CACNA2D3: variants seen among roughly 807,000 people sequenced by gnomAD.
The protein encoded by CACNA2D3 is calcium voltage-gated channel auxiliary subunit alpha2delta 3.
Under a neutral mutation model 160.6 loss-of-function variants are expected in CACNA2D3, and 60 were observed. The observed-to-expected ratio is 0.37, with a 90% CI of 0.30 to 0.46. CACNA2D3 has a LOEUF of 0.46. Among genes scored for constraint, CACNA2D3 ranks in the 20% least tolerant of loss-of-function variants. CACNA2D3 has a pLI of 1.00. For synonymous variants in CACNA2D3, 558 were observed against 492.9 expected, an observed-to-expected ratio of 1.13 and a Z score of -1.75; for missense variants, 1,205 against 1,365.0, an observed-to-expected ratio of 0.88 and a Z score of 1.85.
chr3:54,226,810 GT>G (rs1177386969), intron 2 of CACNA2D3, among the ~76,000 whole-genome samples: 1 of 152,166 alleles, frequency 6.6e-6, no homozygotes, highest in Non-Finnish European at 1.5e-5. Flanking sequence ...ACCTCAGGAA[GT>G]TTCTATTTTT....
chr3:54,526,280 A>C (rs1224536905), intron 5 of CACNA2D3, among the ~76,000 whole-genome samples: 1 of 152,126 alleles, frequency 6.6e-6, no homozygotes, highest in Admixed American at 6.5e-5. Flanking sequence ...TATGTATAAT[A>C]GCTACTTTGA....
At chr3:54,738,815 T>C (rs1308947116) in intron 11 of CACNA2D3, among the ~76,000 whole-genome samples, 1 of 152,236 alleles carries the variant, frequency 6.6e-6, no homozygotes, top group East Asian at 1.9e-4. Context: ...TCCCACTTAT[T>C]GTATGACCAG....
intron 13 of CACNA2D3, among the ~76,000 whole-genome samples, chr3:54,802,426 G>C (rs141976938): frequency 1.3e-5 from 2 of 152,188 alleles, no homozygotes; most frequent in Non-Finnish European, 2.9e-5. Flanking sequence ...CCATGTGTTT[G>C]TAAGGAAATT....
At chr3:54,456,320 T>A (rs952114112) in intron 4 of CACNA2D3, among the ~76,000 whole-genome samples, 16 of 152,018 alleles carry the variant, frequency 1.1e-4, no homozygotes, top group African/African-American at 2.9e-4. Context: ...TTGGTACCAA[T>A]TGTAAATAGG....
In CACNA2D3 at chr3:54,984,587, GT is replaced by G. The variant is rs200547291; in HGVS notation, c.2557-11del. 854 of 1,332,742 alleles carry G rather than the reference GT, an allele frequency of 6.4e-4. No homozygotes were observed. The highest frequency in any genetic ancestry group is 7.3e-4 in the Middle Eastern group (4 of 5,444). 82.6% of individuals were successfully genotyped at this position (1,332,742 alleles called of 1,614,324 possible). On this transcript the variant is annotated intron_variant, in intron 29 of 37. Transcript: ENST00000474759. ...AAGTTGAAGCTGTTTTTTTGTTTTT[GT>G]TTTTTTTTTAATTTTCTAGACTGTG...
At chr3:54,886,400 T>C (rs949172769) in intron 23 of CACNA2D3, among the ~76,000 whole-genome samples, 2 of 152,222 alleles carry the variant, frequency 1.3e-5, no homozygotes, top group Admixed American at 6.5e-5. Context: ...GTCATTGTCT[T>C]TGACTTTTTA....
intron 4 of CACNA2D3, among the ~76,000 whole-genome samples, chr3:54,408,915 A>G (rs990732477): frequency 6.6e-6 from 1 of 152,214 alleles, no homozygotes; most frequent in Non-Finnish European, 1.5e-5. Context: ...CTAACTCTCC[A>G]GGAAATTAGA....
chr3:54,214,339 A>AT (rs1701426186), intron 2 of CACNA2D3, among the ~76,000 whole-genome samples: 1 of 152,076 alleles, frequency 6.6e-6, no homozygotes, highest in Admixed American at 6.5e-5. Context: ...TATTCTTGAT[A>AT]TTTTCAAGAC....
intron 31 of CACNA2D3, among the ~76,000 whole-genome samples, chr3:55,004,409 T>G (rs1245071729): frequency 6.6e-6 from 1 of 152,212 alleles, no homozygotes; most frequent in Non-Finnish European, 1.5e-5. Context: ...GTAAATTCCA[T>G]CCGGGTCTTA....
chr3:54,822,592 G>C (rs1205876369), intron 14 of CACNA2D3, among the ~76,000 whole-genome samples: 1 of 152,146 alleles, frequency 6.6e-6, no homozygotes, highest in African/African-American at 2.4e-5. Flanking sequence ...AAGACCCTCA[G>C]ATTCAAAGTG....
chr3:54,860,846 T>G (rs528621706), intron 17 of CACNA2D3, among the ~76,000 whole-genome samples: 1 of 152,018 alleles, frequency 6.6e-6, no homozygotes, highest in Non-Finnish European at 1.5e-5. Context: ...CGCTGAAAAA[T>G]GAGAACAAAA....
intron 27 of CACNA2D3, among the ~76,000 whole-genome samples, chr3:54,951,845 C>A (rs1701765379): frequency 1.3e-5 from 2 of 152,106 alleles, no homozygotes; most frequent in Admixed American, 1.3e-4. Flanking sequence ...ACCAGCCATG[C>A]TTGTTATTTT....
chr3:54,811,782 T>G (rs1030964333), intron 13 of CACNA2D3, among the ~76,000 whole-genome samples: 2 of 152,166 alleles, frequency 1.3e-5, no homozygotes, highest in Non-Finnish European at 2.9e-5. Flanking sequence ...AGCACAGGCA[T>G]GAGCCACCAT....
At chr3:54,921,888 T>C (rs149991272) in intron 27 of CACNA2D3, among the ~76,000 whole-genome samples, 1 of 152,310 alleles carries the variant, frequency 6.6e-6, no homozygotes, top group East Asian at 1.9e-4. Context: ...CTAATACCTG[T>C]AGTGTTTGCA....
At chr3:54,428,401 G>A (rs1300219665) in intron 4 of CACNA2D3, among the ~76,000 whole-genome samples, 1 of 152,130 alleles carries the variant, frequency 6.6e-6, no homozygotes, top group Non-Finnish European at 1.5e-5. Flanking sequence ...GATAGGATGA[G>A]GCACTGGGGG....
intron 14 of CACNA2D3, among the ~76,000 whole-genome samples, chr3:54,818,338 A>C (rs779382700): frequency 6.6e-6 from 1 of 152,132 alleles, no homozygotes; most frequent in Non-Finnish European, 1.5e-5. Flanking sequence ...GCGCCACCGC[A>C]CCTGGCTTAT....
intron 35 of CACNA2D3, among the ~76,000 whole-genome samples, chr3:55,042,675 T>G (rs1703982353): frequency 6.6e-6 from 1 of 152,206 alleles, no homozygotes; most frequent in African/African-American, 2.4e-5. Context: ...TGCCATAGAC[T>G]TCTATGAGTT....
At chr3:55,064,415 G>C (rs994550648) in intron 35 of CACNA2D3, among the ~76,000 whole-genome samples, 1 of 152,216 alleles carries the variant, frequency 6.6e-6, no homozygotes, top group Non-Finnish European at 1.5e-5. Context: ...TGAGGTGGGG[G>C]GCAGGGCTCT....
chr3:54,461,568 G>T (rs936449506), intron 4 of CACNA2D3, among the ~76,000 whole-genome samples: 4 of 151,630 alleles, frequency 2.6e-5, no homozygotes, highest in African/African-American at 9.7e-5. Flanking sequence ...TTGCATAGAG[G>T]TGTTTGTAGT....
Sources: allele counts gnomAD v4.1 joint callset (sites outside exome capture counted in the v4.1 genomes callset), GRCh38; gene constraint gnomAD v4.1.1; transcripts MANE v1.5; gene names NCBI Gene and HGNC (gene_info 2026-07-23, HGNC 2026-07-21).